The following CPT1B variants were observed in gnomAD, a reference collection of about 807,000 sequenced individuals.
The protein encoded by CPT1B is carnitine O-palmitoyltransferase 1, muscle isoform.
CPT1B carries 57 observed loss-of-function variants against 92.7 expected under a neutral mutation model. The ratio of observed to expected loss-of-function variants is 0.62; its 90% CI spans 0.50 to 0.77. The LOEUF is 0.77. CPT1B is among the 30% of genes least tolerant of loss of function. The probability of loss-of-function intolerance (pLI) is 0.00; values close to 1 mark genes in which losing one functional copy is unlikely to be tolerated. For missense variants in CPT1B, 983 were observed against 1,017.4 expected (o/e 0.97, Z 0.46); for synonymous variants, 398 against 383.5 (o/e 1.04, Z -0.44).
Position 50,573,023 on chromosome 22 carries a change from A to C in CPT1B, c.1204T>G (p.Ser402Ala), listed in dbSNP as rs761171877. ...TCCAAGGCAGCCTTATTCTTTCCAG[A>C]GCTAAAGAAGGCCTGGCGTGCCTGC... The part of the protein sequence containing the change: ...WAQARQAFFS[S>A]GKNKAALEAI... Residue 402 changes from serine to alanine, a missense_variant, in exon 11 of 20, where the codon TCT becomes GCT. Ser to Ala is a moderately conservative substitution (Grantham distance 99, BLOSUM62 1). Transcript: ENST00000312108. This position sits in a 1 kb window ranked among gnomAD's most constrained non-coding sequence, Gnocchi z 5.0. 1.2e-6 allele frequency: 2 copies of C among 1,608,844 alleles called. No individual in the cohort carries two copies. Among genetic ancestry groups the C allele is most frequent in the Non-Finnish European group, 8.5e-7 (1 of 1,176,132 alleles).
chr22:50,578,400 C>G lies in CPT1B; in HGVS notation c.-34G>C, dbSNP rs1308624090. 1.3e-5 allele frequency: 2 copies of G among 153,834 alleles called. No individual in the cohort carries two copies. Among genetic ancestry groups the G allele is most frequent in the Non-Finnish European group, 2.9e-5 (2 of 69,304 alleles). 9.5% of individuals were successfully genotyped at this position (153,834 alleles called of 1,614,324 possible). ...CCCCTACTCACAGCTCGGGTTCACT[C>G]CTGTCCGTGCGTGGGGCCAGCCACT... On this transcript the variant is annotated 5_prime_UTR_variant, in exon 1 of 20. Coordinates refer to ENST00000312108, the MANE Select transcript of CPT1B (RefSeq NM_152246.3).
At chr22:50,570,065 C>T (rs927509880) in intron 17 of CPT1B, among the ~76,000 whole-genome samples, 5 of 152,220 alleles carry the variant, frequency 3.3e-5, no homozygotes, top group African/African-American at 1.2e-4. Context: ...TGCTTCAGTA[C>T]CCCGGAAACC....
intron 13 of CPT1B, 57 bp downstream of exon 13, chr22:50,571,949 G>T (rs2146618689): frequency 6.6e-7 from 1 of 1,511,390 alleles, no homozygotes; most frequent in Non-Finnish European, 9.2e-7. Context: ...CCTCGTCGGG[G>T]CTGTACCCAC....
At position 50,573,471 on chromosome 22, in the gene CPT1B, C is replaced by A. The variant is rs376918855; in HGVS notation, c.1166+49G>T. Reference sequence around the variant, plus strand: ...AGGCAGGGCCACGCTCCTCTCCTCACGGAGCCCTGAACTCAGGGTGGGGAC... The same window carrying A: ...AGGCAGGGCCACGCTCCTCTCCTCAAGGAGCCCTGAACTCAGGGTGGGGAC... On this transcript the variant is annotated intron_variant, in intron 10 of 19. Transcript: ENST00000312108. The surrounding 1 kb of genome is among the most constrained non-coding windows in gnomAD (Gnocchi z 5.0). 1 of 1,515,424 alleles carries A rather than the reference C, an allele frequency of 6.6e-7. No homozygotes were observed. Among genetic ancestry groups the A allele is most frequent in the Non-Finnish European group, 8.9e-7 (1 of 1,120,986 alleles). The allele number at this position is 1,515,424 out of a possible 1,614,324, so 93.9% of individuals were successfully genotyped here. A position where few individuals can be genotyped will look rare whatever the true frequency, so the allele number is the denominator to read the frequency against.
At position 50,576,865 on chromosome 22, in the gene CPT1B, T is replaced by C. The variant is rs1475327721; in HGVS notation, c.451A>G (p.Ile151Val). 6.2e-7 allele frequency: 1 copy of C among 1,613,960 alleles called. No individual in the cohort carries two copies. The highest frequency in any genetic ancestry group is 8.5e-7 in the Non-Finnish European group (1 of 1,180,004). The stretch of plus-strand genomic sequence containing the variant: ...CACTGGCTGCTGCTCACAGCCCAGA[T>C]CCTGGTCAAGTTGCTGGTCTTGCCA... Reference protein sequence around the residue: ...MHGKTSNLTRIWAMCIRLLSS... With the variant: ...MHGKTSNLTRVWAMCIRLLSS... The change falls in exon 4 of 20, where the codon ATC becomes GTC. Residue 151 changes from isoleucine (I) to valine (V), a missense_variant. Transcript: ENST00000312108.
rs1319832327 is a variant in CPT1B, at chr22:50,577,791, C to A, written c.125G>T (p.Arg42Leu). The A allele has an allele frequency of 3.7e-6, 6 of 1,613,822 alleles. 1 individual carries two copies. The highest frequency in any genetic ancestry group is 5.1e-6 in the Non-Finnish European group (6 of 1,179,830). The change falls in exon 2 of 20, where the codon CGC becomes CTC. Residue 42 changes from arginine (R) to leucine (L), a missense_variant. Transcript: ENST00000312108. ...TGTGCGCACCTTGATGCGGATCAGG[C>A]GTTTCTTCCAGGAGTTGATCCCAGA... ...YLSGINSWKK[R>L]LIRIKNGILR... is the part of the protein sequence containing the mutation.
chr22:50,576,856 C>T lies in CPT1B; in HGVS notation c.459+1G>A, dbSNP rs756375809. The T allele has an allele frequency of 1.9e-6, 3 of 1,613,720 alleles. No homozygotes were observed. The South Asian group carries it at 3.3e-5, about 18-fold the overall frequency. On this transcript the variant is annotated splice_donor_variant, in intron 4 of 19. Coordinates refer to ENST00000312108, the MANE Select transcript of CPT1B (RefSeq NM_152246.3). LOFTEE classifies it high-confidence loss of function. Reference sequence around the variant, plus strand: ...GAACCCCTCCACTGGCTGCTGCTCACAGCCCAGATCCTGGTCAAGTTGCTG... The same window carrying T: ...GAACCCCTCCACTGGCTGCTGCTCATAGCCCAGATCCTGGTCAAGTTGCTG...
Position 50,573,819 on chromosome 22 carries a change from C to G in CPT1B, c.971-104G>C, listed in dbSNP as rs775535337. The G allele has an allele frequency of 3.7e-6, 4 of 1,070,470 alleles. No homozygotes were observed. Among genetic ancestry groups the G allele is most frequent in the East Asian group, 2.6e-5 (1 of 38,722 alleles). The allele number at this position is 1,070,470 out of a possible 1,614,324, so 66.3% of individuals were successfully genotyped here. A position where few individuals can be genotyped will look rare whatever the true frequency, so the allele number is the denominator to read the frequency against. ...TGACCCCTGCAGACCCTGTTTTGCTCGGCCTCTGCCTGGGCCTTCCTGCCC... is the reference window on the plus strand; with the variant it reads ...TGACCCCTGCAGACCCTGTTTTGCTGGGCCTCTGCCTGGGCCTTCCTGCCC... On this transcript the variant is annotated intron_variant, in intron 9 of 19. Transcript: ENST00000312108. The surrounding 1 kb of genome is among the most constrained non-coding windows in gnomAD (Gnocchi z 5.0).
At chr22:50,577,579 T>A (rs1395200682) in intron 2 of CPT1B, 116 bp from the exon 3 acceptor site, 1 of 1,456,312 alleles carries the variant, frequency 6.9e-7, no homozygotes, top group Non-Finnish European at 9.3e-7. Flanking sequence ...CCTGATGCCC[T>A]GCTGTGCTCC....
Position 50,572,196 on chromosome 22 carries a change from C to T in CPT1B, c.1458+7G>A, listed in dbSNP as rs781580914. On this transcript the variant is annotated splice_region_variant and intron_variant, in intron 12 of 19. Transcript: ENST00000312108. The stretch of plus-strand genomic sequence containing the variant: ...TGCCCTGCAGGTTCCCTCTGCAAGG[C>T]TATTACCTCCCAGAGGTGCCCAATG... 3 of 1,612,506 alleles carry T rather than the reference C, an allele frequency of 1.9e-6. No homozygotes were observed. In the African/African-American group the frequency reaches 4.0e-5, roughly 22 times the overall value.
chr22:50,570,685 C>T (rs578067448), intron 16 of CPT1B, among the ~76,000 whole-genome samples: 4 of 152,236 alleles, frequency 2.6e-5, no homozygotes, highest in Admixed American at 2.0e-4. Flanking sequence ...GTCACAAGGA[C>T]ACCAACACCA....
At position 50,573,786 on chromosome 22, in the gene CPT1B, G is replaced by A. The variant is rs184948992; in HGVS notation, c.971-71C>T. 1 of 1,388,984 alleles carries A rather than the reference G, an allele frequency of 7.2e-7. No individual in the cohort carries two copies. The highest frequency in any genetic ancestry group is 2.4e-5 in the East Asian group (1 of 40,898). The allele number at this position is 1,388,984 out of a possible 1,614,324, so 86.0% of individuals were successfully genotyped here. On this transcript the variant is annotated intron_variant, in intron 9 of 19. Transcript: ENST00000312108. The surrounding 1 kb of genome is among the most constrained non-coding windows in gnomAD (Gnocchi z 5.0). Reference sequence around the variant, plus strand: ...ATCCTGGGAAGGGCCCACCTCCCATGCACTAGGTGACCCCTGCAGACCCTG... The same window carrying A: ...ATCCTGGGAAGGGCCCACCTCCCATACACTAGGTGACCCCTGCAGACCCTG...
intron 13 of CPT1B, 188 bp downstream of exon 13, chr22:50,571,818 G>A (rs1288642654): frequency 1.4e-6 from 1 of 695,428 alleles, no homozygotes; most frequent in Non-Finnish European, 2.5e-6. Flanking sequence ...CCCAGGGGCG[G>A]TGGGTGGTCT....
At position 50,573,662 on chromosome 22, in the gene CPT1B, G is replaced by A. The variant is rs748835799; in HGVS notation, c.1024C>T (p.Arg342Cys). The A allele has an allele frequency of 7.4e-6, 12 of 1,613,124 alleles. No homozygotes were observed. Among genetic ancestry groups the A allele is most frequent in the African/African-American group, 2.7e-5 (2 of 74,900 alleles). The change falls in exon 10 of 20, where the codon CGC becomes TGC. Residue 342 changes from arginine (R) to cysteine (C), a missense_variant. Physicochemically the swap from Arg to Cys is radical, Grantham distance 180. Coordinates refer to ENST00000312108, the MANE Select transcript of CPT1B (RefSeq NM_152246.3). This position sits in a 1 kb window ranked among gnomAD's most constrained non-coding sequence, Gnocchi z 5.0. Reference protein sequence around the residue: ...SRHVAVYHKGRFFKLWLYEGA... With the variant: ...SRHVAVYHKGCFFKLWLYEGA... ...TCATAGAGCCACAGCTTGAAGAAGC[G>A]TCCCTTGTGGTAGACAGCCACGTGC...
intron 19 of CPT1B, 74 bp downstream of exon 19, chr22:50,569,262 C>T: frequency 1.3e-6 from 2 of 1,487,498 alleles, no homozygotes; most frequent in Non-Finnish European, 1.9e-6. Flanking sequence ...ACGGCCACCC[C>T]TCATGCCTGT....
intron 3 of CPT1B, 113 bp downstream of exon 3, chr22:50,577,211 C>T (rs370254526): frequency 6.6e-5 from 96 of 1,461,574 alleles, no homozygotes; most frequent in African/African-American, 6.1e-4. Context: ...AGGGCTGCCC[C>T]GTGACTGCCA....
rs779147264 is a variant in CPT1B, at chr22:50,572,225, G to A, written c.1436C>T (p.Pro479Leu). The A allele has an allele frequency of 3.7e-6, 6 of 1,613,578 alleles. No individual in the cohort carries two copies. Among genetic ancestry groups the A allele is most frequent in the African/African-American group, 1.3e-5 (1 of 74,904 alleles). ...TACCTCCCAGAGGTGCCCAATGATG[G>A]GAGCATCTGCCCACGCATGCTCTGC... ...LNAEHAWADA[P>L]IIGHLWEFVL... Residue 479 changes from proline (P) to leucine (L), a missense_variant, in exon 12 of 20, where the codon CCC (proline) becomes CTC (leucine). Coordinates refer to ENST00000312108, the MANE Select transcript of CPT1B (RefSeq NM_152246.3).
chr22:50,574,670 G>A, intron 7 of CPT1B, 70 bp from the exon 8 acceptor site: 5 of 1,265,408 alleles, frequency 4.0e-6, no homozygotes, highest in Non-Finnish European at 5.8e-6. Context: ...CTGACCCAAG[G>A]ACCAATCTAT....
chr22:50,577,212 G>A (rs1180689475), intron 3 of CPT1B, 112 bp downstream of exon 3: 38 of 1,463,490 alleles, frequency 2.6e-5, no homozygotes, highest in South Asian at 2.0e-4. Flanking sequence ...GGGCTGCCCC[G>A]TGACTGCCAA....
Sources: gnomAD v4.1 joint callset for allele counts (sites outside exome capture counted in the v4.1 genomes callset) on GRCh38, gnomAD v4.1.1 for gene constraint, Gnocchi (gnomAD v3.1) non-coding constraint, MANE v1.5 for transcripts, NCBI Gene and HGNC (gene_info 2026-07-23, HGNC 2026-07-21) for gene names.